RNFT2: variants seen among roughly 807,000 people sequenced by gnomAD.
RNFT2 encodes ring finger protein, transmembrane 2.
RNFT2 carries 36 observed loss-of-function variants against 53.0 expected under a neutral mutation model. The ratio of observed to expected loss-of-function variants is 0.68; its 90% CI spans 0.52 to 0.90. RNFT2 has a LOEUF of 0.90. RNFT2 is among the 40% of genes least tolerant of loss of function. The pLI, the probability that RNFT2 is intolerant of heterozygous loss-of-function variation, is 0.00. For missense variants in RNFT2, 514 were observed against 585.6 expected (o/e 0.88, Z 1.26); for synonymous variants, 260 against 253.2 (o/e 1.03, Z -0.26).
intron 5 of RNFT2, among the ~76,000 whole-genome samples, chr12:116,757,807 G>A (rs1027927102): frequency 5.9e-5 from 9 of 152,200 alleles, no homozygotes; most frequent in Non-Finnish European, 1.0e-4. Flanking sequence ...GCGGTTGTCA[G>A]ATGAAATGTT....
chr12:116,762,313 G>A (rs1283505357), intron 5 of RNFT2, among the ~76,000 whole-genome samples: 1 of 151,674 alleles, frequency 6.6e-6, no homozygotes, highest in African/African-American at 2.4e-5. Flanking sequence ...CTGGGAGGTG[G>A]AGGTTGAAGT....
At chr12:116,843,658 C>T (rs530406394) in intron 10 of RNFT2, among the ~76,000 whole-genome samples, 2 of 152,230 alleles carry the variant, frequency 1.3e-5, no homozygotes, top group East Asian at 3.9e-4. Context: ...ATCCCTTTCT[C>T]CACATGCTGG....
intron 7 of RNFT2, among the ~76,000 whole-genome samples, chr12:116,812,358 G>C (rs995552262): frequency 6.6e-6 from 1 of 152,090 alleles, no homozygotes; most frequent in Admixed American, 6.6e-5. Flanking sequence ...CAGAGGACGG[G>C]GATGGCAGAG....
chr12:116,823,640 C>T (rs972076660), intron 7 of RNFT2, among the ~76,000 whole-genome samples: 2 of 152,166 alleles, frequency 1.3e-5, no homozygotes, highest in Non-Finnish European at 2.9e-5. Context: ...GCCGAAATTG[C>T]ACCACTGCAC....
intron 6 of RNFT2, among the ~76,000 whole-genome samples, chr12:116,770,532 T>C (rs1566076020): frequency 6.6e-6 from 1 of 152,174 alleles, no homozygotes; most frequent in Non-Finnish European, 1.5e-5. Context: ...TTAAAAGTTA[T>C]TTTAAGTATG....
intron 5 of RNFT2, among the ~76,000 whole-genome samples, chr12:116,764,184 G>C (rs1214795724): frequency 6.6e-6 from 1 of 152,158 alleles, no homozygotes; most frequent in Non-Finnish European, 1.5e-5. Context: ...TGATACAGTG[G>C]ACTTTGGGGA....
chr12:116,760,799 G>T (rs1225977950), intron 5 of RNFT2, among the ~76,000 whole-genome samples: 1 of 152,056 alleles, frequency 6.6e-6, no homozygotes, highest in African/African-American at 2.4e-5. Context: ...TTCACAATGC[G>T]AGCTGCCGCC....
At chr12:116,799,462 G>T (rs1039811598) in intron 7 of RNFT2, among the ~76,000 whole-genome samples, 1 of 152,120 alleles carries the variant, frequency 6.6e-6, no homozygotes, top group Admixed American at 6.6e-5. Context: ...CATTACCTTC[G>T]TAGTACTGGG....
intron 7 of RNFT2, among the ~76,000 whole-genome samples, chr12:116,828,232 T>C (rs1282354585): frequency 6.6e-6 from 1 of 152,210 alleles, no homozygotes; most frequent in Admixed American, 6.5e-5. Context: ...TCCATTAAAG[T>C]AGTGCTTCTC....
Position 116,821,078 on chromosome 12 carries a change from C to G in RNFT2, c.883-12714C>G, listed in dbSNP as rs550927130. Among the ~76,000 whole-genome samples the G allele has an allele frequency of 9.2e-5, 14 of 152,210 alleles. No homozygotes were observed. The South Asian group carries it at 2.9e-3, about 32-fold the overall frequency. ...TGTGCCGTTCCTGGCCCCTGGTAAG[C>G]GCTTAATACGGGGGTTACTCTTCCC... On this transcript the variant is annotated intron_variant, in intron 7 of 10. Transcript: ENST00000257575.
intron 7 of RNFT2, among the ~76,000 whole-genome samples, chr12:116,784,163 T>A (rs911475699): frequency 1.3e-5 from 2 of 152,212 alleles, no homozygotes; most frequent in African/African-American, 4.8e-5. Context: ...GCTGTCCAGT[T>A]ACTGCACGGG....
At chr12:116,788,206 CGTGA>C (rs1404286838) in intron 7 of RNFT2, among the ~76,000 whole-genome samples, 4 of 152,212 alleles carry the variant, frequency 2.6e-5, no homozygotes, top group Admixed American at 2.0e-4. Context: ...GGATTACAGG[CGTGA>C]GCCACTGCGC....
intron 10 of RNFT2, among the ~76,000 whole-genome samples, chr12:116,846,543 G>A (rs542301086): frequency 1.5e-3 from 229 of 150,334 alleles, no homozygotes; most frequent in Non-Finnish European, 2.3e-3. Context: ...TCCTGCCTTC[G>A]CCTCCCAAAG....
At chr12:116,749,759 A>C in intron 3 of RNFT2, 82 bp from the exon 4 acceptor site, 1 of 1,218,318 alleles carries the variant, frequency 8.2e-7, no homozygotes, top group Non-Finnish European at 1.2e-6. Flanking sequence ...CATAATTGAT[A>C]TTATTAGTCC....
chr12:116,796,447 A>G (rs1874509870), intron 7 of RNFT2, among the ~76,000 whole-genome samples: 1 of 152,200 alleles, frequency 6.6e-6, no homozygotes, highest in Admixed American at 6.5e-5. Flanking sequence ...AGGCTCAGCC[A>G]AATCCCTGGA....
At chr12:116,773,078 C>T (rs539395900) in intron 6 of RNFT2, among the ~76,000 whole-genome samples, 4 of 152,268 alleles carry the variant, frequency 2.6e-5, no homozygotes, top group East Asian at 1.9e-4. Flanking sequence ...CCACCTGCCT[C>T]GGCTTCCCAA....
intron 3 of RNFT2, among the ~76,000 whole-genome samples, chr12:116,742,806 C>T (rs375215739): frequency 8.0e-4 from 121 of 152,144 alleles, no homozygotes; most frequent in Middle Eastern, 3.4e-3. Context: ...AAACTAGCCA[C>T]GTATGGTGGT....
At chr12:116,754,812 A>G (rs1433034161) in intron 5 of RNFT2, among the ~76,000 whole-genome samples, 1 of 152,056 alleles carries the variant, frequency 6.6e-6, no homozygotes, top group African/African-American at 2.4e-5. Context: ...TCATGTTCTT[A>G]GCCCACTTTT....
At chr12:116,762,098 G>A (rs1261429088) in intron 5 of RNFT2, among the ~76,000 whole-genome samples, 2 of 151,080 alleles carry the variant, frequency 1.3e-5, no homozygotes, top group Non-Finnish European at 2.9e-5. Flanking sequence ...AAAGAAAAGA[G>A]CCAGGCACTG....
Sources: allele counts gnomAD v4.1 joint callset (sites outside exome capture counted in the v4.1 genomes callset), GRCh38; gene constraint gnomAD v4.1.1; transcripts MANE v1.5; gene names NCBI Gene and HGNC (gene_info 2026-07-23, HGNC 2026-07-21).